Variants in ASIC5 observed in about 807,000 individuals in gnomAD.
ASIC5 encodes the protein bile acid-sensitive ion channel.
ASIC5 carries 52 observed loss-of-function variants against 51.2 expected under a neutral mutation model. The ratio of observed to expected loss-of-function variants is 1.02; its 90% CI spans 0.81 to 1.28. ASIC5 has a LOEUF of 1.28. Among genes scored for constraint, ASIC5 ranks in the 50% most tolerant of loss-of-function variants. The probability of loss-of-function intolerance (pLI) is 0.00; values close to 1 mark genes in which losing one functional copy is unlikely to be tolerated. For synonymous variants in ASIC5, 231 were observed against 200.7 expected (o/e 1.15, Z -1.28); for missense variants, 635 against 595.0 (o/e 1.07, Z -0.70).
chr4:155,860,049 T>G (rs1293477097), intron 2 of ASIC5, among the ~76,000 whole-genome samples: 7 of 152,032 alleles, frequency 4.6e-5, no homozygotes, highest in Non-Finnish European at 1.0e-4. Context: ...ATAATGAAAG[T>G]TGTTATTTTA....
At chr4:155,861,591 A>G (rs772089613) in intron 2 of ASIC5, among the ~76,000 whole-genome samples, 12 of 152,024 alleles carry the variant, frequency 7.9e-5, no homozygotes, top group Non-Finnish European at 1.5e-4. Context: ...CACACAACAT[A>G]TAGCTGGATC....
intron 3 of ASIC5, 76 bp from the exon 4 acceptor site, chr4:155,852,392 T>G: frequency 2.2e-6 from 3 of 1,355,196 alleles, no homozygotes; most frequent in Non-Finnish European, 3.0e-6. Flanking sequence ...CATAACCTTT[T>G]TTTTTAAAGC....
intron 4 of ASIC5, among the ~76,000 whole-genome samples, chr4:155,850,235 TG>T (rs1292413981): frequency 6.6e-6 from 1 of 151,960 alleles, no homozygotes; most frequent in East Asian, 1.9e-4. Context: ...CTATTCTGAT[TG>T]CCTCCTTTGG....
intron 6 of ASIC5, among the ~76,000 whole-genome samples, chr4:155,841,123 G>T (rs756390857): frequency 1.3e-5 from 2 of 152,104 alleles, no homozygotes; most frequent in Admixed American, 1.3e-4. Context: ...CTCCCGCACA[G>T]CCAGCTCTGC....
intron 1 of ASIC5, among the ~76,000 whole-genome samples, chr4:155,865,523 A>T (rs1579304710): frequency 6.6e-6 from 1 of 152,278 alleles, no homozygotes; most frequent in East Asian, 1.9e-4. Context: ...GTAACTAGTT[A>T]CTGACAAGCA....
At chr4:155,859,290 T>G (rs1166309127) in intron 2 of ASIC5, among the ~76,000 whole-genome samples, 2 of 152,118 alleles carry the variant, frequency 1.3e-5, no homozygotes, top group Non-Finnish European at 2.9e-5. Context: ...TATTTTTGTA[T>G]TGTTTATTTT....
chr4:155,844,029 C>T (rs766953805), intron 4 of ASIC5, among the ~76,000 whole-genome samples, 199 bp from the exon 5 acceptor site: 3 of 152,000 alleles, frequency 2.0e-5, no homozygotes, highest in Non-Finnish European at 4.4e-5. Flanking sequence ...AGGAAACTAT[C>T]TTGGGTCCCT....
intron 4 of ASIC5, among the ~76,000 whole-genome samples, chr4:155,847,596 C>G (rs1741285244): frequency 6.6e-6 from 1 of 151,980 alleles, no homozygotes; most frequent in African/African-American, 2.4e-5. Context: ...GTGGCGCATG[C>G]CTGTAGTCCC....
chr4:155,847,591 G>A (rs575421933), intron 4 of ASIC5, among the ~76,000 whole-genome samples: 44 of 151,980 alleles, frequency 2.9e-4, no homozygotes, highest in African/African-American at 7.2e-4. Flanking sequence ...GCATGGTGGC[G>A]CATGCCTGTA....
chr4:155,855,150 G>A (rs1369379504), intron 2 of ASIC5, among the ~76,000 whole-genome samples: 2 of 151,870 alleles, frequency 1.3e-5, no homozygotes, highest in Non-Finnish European at 2.9e-5. Flanking sequence ...CTCCAGTTAG[G>A]TTCTAATTGT....
intron 6 of ASIC5, among the ~76,000 whole-genome samples, chr4:155,839,844 A>G (rs1002186519): frequency 2.0e-5 from 3 of 152,188 alleles, no homozygotes; most frequent in Non-Finnish European, 4.4e-5. Context: ...AAGATGGTAG[A>G]TGGAACACAG....
At chr4:155,846,688 C>T (rs893520059) in intron 4 of ASIC5, among the ~76,000 whole-genome samples, 6 of 151,806 alleles carry the variant, frequency 4.0e-5, no homozygotes, top group African/African-American at 1.5e-4. Flanking sequence ...TCGTAGTTTT[C>T]CTAAATAATC....
chr4:155,862,213 G>T (rs1002121312), intron 2 of ASIC5, among the ~76,000 whole-genome samples: 1 of 151,878 alleles, frequency 6.6e-6, no homozygotes, highest in African/African-American at 2.4e-5. Context: ...TTTTTTGGGG[G>T]GAAAGGATTG....
intron 1 of ASIC5, among the ~76,000 whole-genome samples, chr4:155,864,152 C>T (rs967682510): frequency 1.2e-4 from 18 of 152,274 alleles, no homozygotes; most frequent in African/African-American, 3.8e-4. Context: ...AGGCTGATTC[C>T]TCTGACAGTC....
chr4:155,841,708 T>G (rs1028926942), intron 6 of ASIC5, among the ~76,000 whole-genome samples: 4 of 152,152 alleles, frequency 2.6e-5, no homozygotes, highest in Non-Finnish European at 5.9e-5. Flanking sequence ...AAGAAAATCT[T>G]GGTGTGCTGT....
intron 5 of ASIC5, among the ~76,000 whole-genome samples, chr4:155,842,934 C>T (rs1741154331): frequency 6.6e-6 from 1 of 152,124 alleles, no homozygotes; most frequent in Non-Finnish European, 1.5e-5. Flanking sequence ...CAGATTGAAT[C>T]TCAGGCCACC....
intron 2 of ASIC5, chr4:155,858,964 A>C (rs549728599): frequency 6.6e-6 from 1 of 152,172 alleles, no homozygotes; most frequent in East Asian, 1.9e-4. Flanking sequence ...CTGTTGATTT[A>C]TATTCTCAGG....
chr4:155,836,903 C>T (rs780325879), intron 7 of ASIC5, 46 bp from the exon 8 acceptor site: 2 of 1,378,806 alleles, frequency 1.5e-6, no homozygotes, highest in Non-Finnish European at 2.0e-6. Flanking sequence ...AGAAATATTT[C>T]ATCATGGGTA....
chr4:155,842,151 C>T, intron 6 of ASIC5, 56 bp downstream of exon 6: 1 of 1,530,074 alleles, frequency 6.5e-7, no homozygotes, highest in Non-Finnish European at 9.0e-7. Context: ...TTTTGTAACC[C>T]TCTAAGAAAC....
Sources: allele counts gnomAD v4.1 joint callset (sites outside exome capture counted in the v4.1 genomes callset), GRCh38; gene constraint gnomAD v4.1.1; transcripts MANE v1.5; gene names NCBI Gene and HGNC (gene_info 2026-07-23, HGNC 2026-07-21).